Variants in MAPK10 observed in about 807,000 individuals in gnomAD.
The protein encoded by MAPK10 is mitogen-activated protein kinase 10, also known as JNK3 alpha protein kinase.
MAPK10 carries 25 observed loss-of-function variants against 59.3 expected under a neutral mutation model. That is an observed-to-expected ratio of 0.42 (90% CI 0.31 to 0.59). The LOEUF (loss-of-function observed/expected upper bound fraction) is 0.59, where lower values mean the gene tolerates loss of function less well. MAPK10 is among the 20% of genes least tolerant of loss of function. The pLI is 0.15. For synonymous variants in MAPK10, 190 were observed against 200.5 expected, an observed-to-expected ratio of 0.95 and a Z score of 0.44; for missense variants, 351 against 568.9, an observed-to-expected ratio of 0.62 and a Z score of 3.90.
chr4:86,226,203 T>G (rs1462236908), intron 2 of MAPK10, among the ~76,000 whole-genome samples: 1 of 152,232 alleles, frequency 6.6e-6, no homozygotes, highest in African/African-American at 2.4e-5. Flanking sequence ...CATGATTTTA[T>G]AGAACATAAA....
chr4:86,302,921 G>A (rs1047298048), intron 2 of MAPK10, among the ~76,000 whole-genome samples: 2 of 152,060 alleles, frequency 1.3e-5, no homozygotes, highest in Admixed American at 6.6e-5. Context: ...TTTATTTCAA[G>A]CCACATTTAT....
At chr4:86,480,294 A>C in intron 1 of MAPK10, among the ~76,000 whole-genome samples, 1 of 149,956 alleles carries the variant, frequency 6.7e-6, no homozygotes, top group East Asian at 2.0e-4. Context: ...TGGCTCAAAA[A>C]TCTCCCCCAC....
At chr4:86,447,812 CTA>C (rs1338679004) in intron 1 of MAPK10, among the ~76,000 whole-genome samples, 1 of 152,226 alleles carries the variant, frequency 6.6e-6, no homozygotes, top group Admixed American at 6.5e-5. Context: ...GTGTGTATCT[CTA>C]GATTATCTAG....
At chr4:86,295,704 CAT>C (rs922322511) in intron 2 of MAPK10, among the ~76,000 whole-genome samples, 10 of 147,872 alleles carry the variant, frequency 6.8e-5, no homozygotes, top group African/African-American at 1.5e-4. Flanking sequence ...CTTCTAGTTT[CAT>C]ATATGTCTTT....
chr4:86,354,498 T>C, intron 2 of MAPK10, 32 bp downstream of exon 2: 9 of 988,388 alleles, frequency 9.1e-6, no homozygotes, highest in East Asian at 3.3e-5. Flanking sequence ...CTAGTTTTCA[T>C]GCTAAGGAAT....
chr4:86,479,493 G>C (rs561162420), intron 1 of MAPK10, among the ~76,000 whole-genome samples: 2 of 142,730 alleles, frequency 1.4e-5, no homozygotes, highest in Non-Finnish European at 3.1e-5. Context: ...AAAAAAACTT[G>C]TCGTCCCTAC....
At chr4:86,070,057 C>T (rs528163393) in intron 9 of MAPK10, among the ~76,000 whole-genome samples, 1 of 152,224 alleles carries the variant, frequency 6.6e-6, no homozygotes, top group African/African-American at 2.4e-5. Context: ...CCTTAGGTTG[C>T]TTTTAAATGA....
At chr4:86,435,776 G>GCC (rs1564863302) in intron 1 of MAPK10, among the ~76,000 whole-genome samples, 1 of 152,074 alleles carries the variant, frequency 6.6e-6, no homozygotes, top group Non-Finnish European at 1.5e-5. Context: ...GTGCAGTTTT[G>GCC]ATAATTATAG....
intron 4 of MAPK10, among the ~76,000 whole-genome samples, chr4:86,112,148 C>CA (rs58506105): frequency 0.029 from 4,169 of 144,788 alleles, 185 homozygotes; most frequent in African/African-American, 0.096. Flanking sequence ...TTAACTTTTC[C>CA]AAAAAAAAAA....
intron 3 of MAPK10, among the ~76,000 whole-genome samples, chr4:86,184,546 A>G (rs933601729): frequency 6.6e-6 from 1 of 152,090 alleles, no homozygotes; most frequent in African/African-American, 2.4e-5. Context: ...TCTCATGTTA[A>G]AATGTAATCC....
intron 2 of MAPK10, among the ~76,000 whole-genome samples, chr4:86,210,256 CA>C (rs1394510155): frequency 6.6e-6 from 1 of 151,742 alleles, no homozygotes; most frequent in Non-Finnish European, 1.5e-5. Flanking sequence ...AATAGGCAAC[CA>C]AAGCAAAAAT....
intron 1 of MAPK10, among the ~76,000 whole-genome samples, chr4:86,471,954 T>C (rs1259924463): frequency 1.3e-5 from 2 of 152,200 alleles, no homozygotes; most frequent in Non-Finnish European, 2.9e-5. Flanking sequence ...TTAGGGGTTT[T>C]GTTGTAGTTA....
chr4:86,083,263 A>G, intron 9 of MAPK10, among the ~76,000 whole-genome samples: 1 of 152,106 alleles, frequency 6.6e-6, no homozygotes, highest in East Asian at 1.9e-4. Flanking sequence ...GACCACTCAC[A>G]GTATCTGGTT....
At chr4:86,238,518 T>C (rs2092460740) in intron 2 of MAPK10, among the ~76,000 whole-genome samples, 1 of 152,194 alleles carries the variant, frequency 6.6e-6, no homozygotes, top group Admixed American at 6.5e-5. Flanking sequence ...CTCTCTTATT[T>C]CCTTGAGCAG....
At chr4:86,191,414 T>C (rs1051861950) in intron 3 of MAPK10, among the ~76,000 whole-genome samples, 1 of 152,152 alleles carries the variant, frequency 6.6e-6, no homozygotes, top group South Asian at 2.1e-4. Flanking sequence ...ACTTGCCTTA[T>C]GAATCCAGGT....
chr4:86,255,448 C>T (rs538799819), intron 2 of MAPK10, among the ~76,000 whole-genome samples: 20 of 152,116 alleles, frequency 1.3e-4, no homozygotes, highest in African/African-American at 4.8e-4. Context: ...GAAGACATCT[C>T]GAGAGGAAGA....
At chr4:86,322,900 T>C (rs2095931294) in intron 2 of MAPK10, among the ~76,000 whole-genome samples, 2 of 152,220 alleles carry the variant, frequency 1.3e-5, no homozygotes, top group African/African-American at 4.8e-5. Flanking sequence ...AGCATTAGCA[T>C]TGCGAGCTTC....
At chr4:86,390,703 C>A (rs1742077292) in intron 1 of MAPK10, among the ~76,000 whole-genome samples, 1 of 152,108 alleles carries the variant, frequency 6.6e-6, no homozygotes, top group African/African-American at 2.4e-5. Context: ...GAGAGGGAAC[C>A]CACACATCAC....
chr4:86,097,740 A>C (rs1011989513), intron 9 of MAPK10, among the ~76,000 whole-genome samples: 3 of 152,074 alleles, frequency 2.0e-5, no homozygotes, highest in Non-Finnish European at 2.9e-5. Context: ...TTTACTAGAG[A>C]GTGAATTTTT....
Sources: gnomAD v4.1 joint callset for allele counts (sites outside exome capture counted in the v4.1 genomes callset) on GRCh38, gnomAD v4.1.1 for gene constraint, MANE v1.5 for transcripts, NCBI Gene and HGNC (gene_info 2026-07-23, HGNC 2026-07-21) for gene names.